The following DPP10 variants were observed in gnomAD, a reference collection of about 807,000 sequenced individuals.
DPP10 encodes dipeptidyl peptidase like 10, also known as inactive dipeptidyl peptidase 10.
Under a neutral mutation model 120.9 loss-of-function variants are expected in DPP10, and 33 were observed. That is an observed-to-expected ratio of 0.27 (90% CI 0.21 to 0.37). The LOEUF is 0.37. Ranked by LOEUF, DPP10 falls within the 10% of genes least tolerant of loss-of-function variation. The probability of loss-of-function intolerance (pLI) is 1.00; values close to 1 mark genes in which losing one functional copy is unlikely to be tolerated. For synonymous variants in DPP10, 337 were observed against 326.1 expected, an observed-to-expected ratio of 1.03 and a Z score of -0.36; for missense variants, 816 against 942.8, an observed-to-expected ratio of 0.87 and a Z score of 1.76.
At chr2:115,174,103 A>G (rs974198910) in intron 1 of DPP10, among the ~76,000 whole-genome samples, 2 of 152,190 alleles carry the variant, frequency 1.3e-5, no homozygotes, top group Non-Finnish European at 2.9e-5. Context: ...TAATAAGAAG[A>G]TGTATTGTAT....
At chr2:115,238,780 G>A (rs919660326) in intron 1 of DPP10, among the ~76,000 whole-genome samples, 1 of 152,182 alleles carries the variant, frequency 6.6e-6, no homozygotes, top group Non-Finnish European at 1.5e-5. Flanking sequence ...GGTTGATAAA[G>A]CAGTGGTAGA....
At chr2:114,951,131 G>A (rs1173008541) in intron 1 of DPP10, among the ~76,000 whole-genome samples, 2 of 152,166 alleles carry the variant, frequency 1.3e-5, no homozygotes, top group African/African-American at 2.4e-5. Context: ...GTGACCGAGA[G>A]TATGTATTAG....
chr2:115,826,577 C>T (rs1022020711), intron 21 of DPP10, among the ~76,000 whole-genome samples: 6 of 152,010 alleles, frequency 3.9e-5, no homozygotes, highest in Admixed American at 6.6e-5. Context: ...AAAAATTAGC[C>T]GGGCATGATG....
At chr2:114,522,140 C>T (rs796406013) in intron 1 of DPP10, among the ~76,000 whole-genome samples, 28 of 150,632 alleles carry the variant, frequency 1.9e-4, no homozygotes, top group African/African-American at 4.2e-4. Context: ...CCACTACACC[C>T]GGCTAATTTT....
chr2:114,793,493 C>T (rs1217619114), intron 1 of DPP10, among the ~76,000 whole-genome samples: 1 of 152,118 alleles, frequency 6.6e-6, no homozygotes, highest in Non-Finnish European at 1.5e-5. Context: ...TTTTTTATGG[C>T]TGTTTTTAAA....
intron 1 of DPP10, among the ~76,000 whole-genome samples, chr2:115,213,809 C>G (rs1007024890): frequency 2.6e-5 from 4 of 152,022 alleles, no homozygotes; most frequent in African/African-American, 9.7e-5. Context: ...TAATGAGAAG[C>G]TTAGGCCTAT....
At chr2:115,492,910 G>A (rs1036993841) in intron 3 of DPP10, among the ~76,000 whole-genome samples, 1 of 151,992 alleles carries the variant, frequency 6.6e-6, no homozygotes, top group Non-Finnish European at 1.5e-5. Flanking sequence ...AAAGGTGTTG[G>A]GAATTTAACA....
intron 1 of DPP10, chr2:114,461,859 G>T: frequency 1.0e-6 from 1 of 985,398 alleles, no homozygotes; most frequent in Non-Finnish European, 1.2e-6. Context: ...GCTATAAGAA[G>T]AATGGAAAAT....
intron 1 of DPP10, among the ~76,000 whole-genome samples, chr2:114,502,090 C>T (rs984723051): frequency 6.6e-6 from 1 of 151,860 alleles, no homozygotes; most frequent in Admixed American, 6.6e-5. Context: ...CACGCACCAC[C>T]ACGCTCAGCT....
intron 1 of DPP10, among the ~76,000 whole-genome samples, chr2:115,240,846 G>C (rs1011257054): frequency 8.5e-5 from 13 of 152,100 alleles, no homozygotes; most frequent in Non-Finnish European, 1.8e-4. Context: ...TACAGTTCAG[G>C]CTTCAGTAAC....
At chr2:114,888,320 T>C (rs1026883502) in intron 1 of DPP10, among the ~76,000 whole-genome samples, 1 of 152,074 alleles carries the variant, frequency 6.6e-6, no homozygotes, top group Non-Finnish European at 1.5e-5. Flanking sequence ...CCTATAACTT[T>C]GAATATATCA....
At chr2:114,877,932 T>C (rs1691289863) in intron 1 of DPP10, among the ~76,000 whole-genome samples, 1 of 152,050 alleles carries the variant, frequency 6.6e-6, no homozygotes, top group Non-Finnish European at 1.5e-5. Flanking sequence ...CTCCAATGTC[T>C]CTTTGGCCAT....
chr2:115,428,325 G>A (rs1459806851), intron 3 of DPP10, among the ~76,000 whole-genome samples: 2 of 152,042 alleles, frequency 1.3e-5, no homozygotes, highest in Admixed American at 6.5e-5. Flanking sequence ...CTATGCCTTG[G>A]TACCAATTTT....
chr2:114,899,835 C>A (rs1200760000), intron 1 of DPP10, among the ~76,000 whole-genome samples: 1 of 152,134 alleles, frequency 6.6e-6, no homozygotes, highest in Non-Finnish European at 1.5e-5. Context: ...TGGCGGGTGC[C>A]TGTGGTCCCA....
intron 1 of DPP10, among the ~76,000 whole-genome samples, chr2:115,295,705 CT>C (rs1336941032): frequency 6.6e-6 from 1 of 151,736 alleles, no homozygotes; most frequent in South Asian, 2.1e-4. Context: ...TTAATTTCTG[CT>C]TTTTTTTCTT....
chr2:115,246,273 G>C (rs1352406741), intron 1 of DPP10, among the ~76,000 whole-genome samples: 2 of 152,128 alleles, frequency 1.3e-5, no homozygotes, highest in Non-Finnish European at 2.9e-5. Context: ...ATACTGGCTA[G>C]ACGACAATAA....
At chr2:115,413,208 C>A (rs1459077263) in intron 3 of DPP10, among the ~76,000 whole-genome samples, 1 of 152,136 alleles carries the variant, frequency 6.6e-6, no homozygotes, top group Non-Finnish European at 1.5e-5. Flanking sequence ...AGGAGATTAG[C>A]AAGAAGTCTG....
Position 114,497,287 on chromosome 2 carries a change from A to G in DPP10, c.60+54449A>G, listed in dbSNP as rs570142064. On this transcript the variant is annotated intron_variant, in intron 1 of 25. Coordinates refer to ENST00000410059, the MANE Select transcript of DPP10 (RefSeq NM_020868.6). ...TATACATGTACATGTATACGTGTAT[A>G]CATGTACATGTATACGTGTATACAT... 2.7e-3 allele frequency among the ~76,000 whole-genome samples: 138 copies of G among 51,120 alleles called. 1 individual carries two copies. The highest frequency in any genetic ancestry group is 8.4e-3 in the African/African-American group (124 of 14,848). The allele number at this position is 51,120 out of a possible 152,430, so 33.5% of individuals were successfully genotyped here.
intron 1 of DPP10, among the ~76,000 whole-genome samples, chr2:114,604,626 C>A (rs1329960914): frequency 1.3e-5 from 2 of 152,064 alleles, no homozygotes; most frequent in African/African-American, 2.4e-5. Context: ...ATTGATCAGC[C>A]TTTTTTCACT....
Sources: gnomAD v4.1 joint callset for allele counts (sites outside exome capture counted in the v4.1 genomes callset) on GRCh38, gnomAD v4.1.1 for gene constraint, MANE v1.5 for transcripts, NCBI Gene and HGNC (gene_info 2026-07-23, HGNC 2026-07-21) for gene names.